Variants in PRDM15 observed in about 807,000 individuals in gnomAD.
The protein encoded by PRDM15 is PR/SET domain 15.
Under a neutral mutation model 128.6 loss-of-function variants are expected in PRDM15, and 64 were observed. That is an observed-to-expected ratio of 0.50 (90% CI 0.41 to 0.61). The LOEUF (loss-of-function observed/expected upper bound fraction) is 0.61, where lower values mean the gene tolerates loss of function less well. Ranked by LOEUF, PRDM15 falls within the 20% of genes least tolerant of loss-of-function variation. The pLI is 0.00. For missense variants in PRDM15, 1,242 were observed against 1,569.1 expected (o/e 0.79, Z 3.52); for synonymous variants, 615 against 621.8 (o/e 0.99, Z 0.16).
chr21:41,869,522 C>T (rs1008825821), intron 1 of PRDM15, among the ~76,000 whole-genome samples: 2 of 151,576 alleles, frequency 1.3e-5, no homozygotes, highest in African/African-American at 2.4e-5. Flanking sequence ...TCTCGGCTCA[C>T]CACAACCTCC....
chr21:41,801,501 G>A lies in PRDM15; in HGVS notation c.3165C>T (p.His1055=), dbSNP rs1469822096. 2 of 1,614,118 alleles carry A rather than the reference G, an allele frequency of 1.2e-6. No individual in the cohort carries two copies. Among genetic ancestry groups the A allele is most frequent in the African/African-American group, 2.7e-5 (2 of 74,948 alleles). The part of the protein sequence containing the change: ...FDTVSGSAML[H]NRQNDVQIHP... The stretch of plus-strand genomic sequence containing the variant: ...GGATCTGGACGTCATTTTGGCGGTT[G>A]TGCAACATGGCAGAGCCGCTGACGG... Residue 1055 remains histidine (H), a synonymous_variant, in exon 24 of 24, where the codon CAC becomes CAT. Transcript: ENST00000398548.
intron 11 of PRDM15, chr21:41,834,619 G>A: frequency 8.2e-6 from 12 of 1,454,742 alleles, no homozygotes; most frequent in Non-Finnish European, 1.1e-5. Context: ...TGCCCCGCTG[G>A]GGACCCCCAC....
chr21:41,827,480 G>A (rs528409384), intron 12 of PRDM15, among the ~76,000 whole-genome samples: 28 of 152,278 alleles, frequency 1.8e-4, no homozygotes, highest in African/African-American at 6.7e-4. Flanking sequence ...CTCCTGAGTA[G>A]CTGGCACTAC....
Position 41,874,519 on chromosome 21 carries a change from A to ATTTTTTT in PRDM15, c.-10+4750_-10+4751insAAAAAAA, listed in dbSNP as rs1453363784. ...GCAGCATGCATATATATATATATAT[A>ATTTTTTT]TATATATTTTTTTTTTTTTTTGAAA... On this transcript the variant is annotated intron_variant, in intron 1 of 23. Transcript: ENST00000398548. 1.8e-3 allele frequency among the ~76,000 whole-genome samples: 93 copies of ATTTTTTT among 50,598 alleles called. 1 individual carries two copies. Among genetic ancestry groups the ATTTTTTT allele is most frequent in the African/African-American group, 6.0e-3 (92 of 15,326 alleles). The allele number at this position is 50,598 out of a possible 152,430, so 33.2% of individuals were successfully genotyped here.
At chr21:41,840,678 G>A (rs2063048212) in intron 6 of PRDM15, among the ~76,000 whole-genome samples, 1 of 151,904 alleles carries the variant, frequency 6.6e-6, no homozygotes, top group Non-Finnish European at 1.5e-5. Flanking sequence ...GGCGTCAGCA[G>A]ACACATACAC....
At chr21:41,825,741 T>C (rs771554400) in intron 13 of PRDM15, among the ~76,000 whole-genome samples, 4 of 152,136 alleles carry the variant, frequency 2.6e-5, no homozygotes, top group Admixed American at 1.3e-4. Flanking sequence ...GAAGAATCCT[T>C]CTTTCTCAGC....
Position 41,815,739 on chromosome 21 carries a change from C to T in PRDM15, c.2358G>A (p.Lys786=), listed in dbSNP as rs146916044. ...CKECHRRFAQ[K]VNMLKHCKRH... ...GCTTGCAGTGCTTGAGCATGTTGACCTTCTGCGCGAACCTGCGGTGGCACT... is the reference window on the plus strand; with the variant it reads ...GCTTGCAGTGCTTGAGCATGTTGACTTTCTGCGCGAACCTGCGGTGGCACT... The change falls in exon 19 of 24, where the codon AAG becomes AAA. Residue 786 remains lysine, a synonymous_variant. Transcript: ENST00000398548. 662 of 1,614,050 alleles carry T rather than the reference C, an allele frequency of 4.1e-4. 5 individuals carry two copies. In the Middle Eastern group the frequency reaches 9.7e-3, roughly 24 times the overall value.
chr21:41,820,635 G>A (rs2062224540), intron 16 of PRDM15, among the ~76,000 whole-genome samples: 2 of 152,224 alleles, frequency 1.3e-5, no homozygotes, highest in Admixed American at 6.5e-5. Flanking sequence ...AAGATGGTAA[G>A]TGTCTGTTGT....
rs1269829550 is a variant in PRDM15, at chr21:41,819,186, C to A, written c.2260+396G>T. On this transcript the variant is annotated intron_variant, in intron 18 of 23. Coordinates refer to ENST00000398548, the MANE Select transcript of PRDM15 (RefSeq NM_001040424.3). Reference sequence around the variant, plus strand: ...TCGAGTCCTTCTTTCCTTAAGTAAGCGACTGAAGCCTATGGGCTTCCAGGG... The same window carrying A: ...TCGAGTCCTTCTTTCCTTAAGTAAGAGACTGAAGCCTATGGGCTTCCAGGG... Among the ~76,000 whole-genome samples, 31 of 152,226 alleles carry A rather than the reference C, an allele frequency of 2.0e-4. 1 individual carries two copies. Among genetic ancestry groups the A allele is most frequent in the Admixed American group, 1.9e-3 (29 of 15,286 alleles).
intron 21 of PRDM15, among the ~76,000 whole-genome samples, chr21:41,807,599 C>CT (rs1555858748): frequency 2.6e-5 from 4 of 151,728 alleles, no homozygotes; most frequent in Non-Finnish European, 4.4e-5. Flanking sequence ...AATCACTTTG[C>CT]CTCTGTCTAC....
chr21:41,840,068 C>T lies in PRDM15; in HGVS notation c.641-215G>A, dbSNP rs577451672. 2.0e-5 allele frequency among the ~76,000 whole-genome samples: 3 copies of T among 152,306 alleles called. No individual in the cohort carries two copies. In the South Asian group the frequency reaches 6.2e-4, roughly 32 times the overall value. On this transcript the variant is annotated intron_variant, in intron 6 of 23. Transcript: ENST00000398548. ...TAAGTGGTAAAAGCAAGGGTAGGTT[C>T]ACCATGAGGGCAGTTTAGTGAAAAA...
chr21:41,836,475 G>A lies in PRDM15; in HGVS notation c.1176C>T (p.Arg392=). 1 of 1,609,894 alleles carries A rather than the reference G, an allele frequency of 6.2e-7. No homozygotes were observed. Among genetic ancestry groups the A allele is most frequent in the Non-Finnish European group, 8.5e-7 (1 of 1,178,114 alleles). ...CGGGCCTCGCGGACTCACCATGCGA[G>A]CGCACGTGCCTGCTCAGGTTGCTGC... ...QNSSNLSRHV[R]SHGDKLFKCE... The change falls in exon 9 of 24, where the codon CGC becomes CGT. Residue 392 remains arginine, a synonymous_variant. Transcript: ENST00000398548.
Position 41,811,159 on chromosome 21 carries a change from C to A in PRDM15, c.2393-323G>T. 1 of 317,754 alleles carries A rather than the reference C, an allele frequency of 3.1e-6. No individual in the cohort carries two copies. Among genetic ancestry groups the A allele is most frequent in the Non-Finnish European group, 6.1e-6 (1 of 164,254 alleles). 19.7% of individuals were successfully genotyped at this position (317,754 alleles called of 1,614,324 possible). A position where few individuals can be genotyped will look rare whatever the true frequency, so the allele number is the denominator to read the frequency against. On this transcript the variant is annotated intron_variant, in intron 19 of 23. Transcript: ENST00000398548. This position sits in a 1 kb window ranked among gnomAD's most constrained non-coding sequence, Gnocchi z 4.1. ...AATTTCTTTAAAGCATTAATGTATC[C>A]ACACCTCCCTTAGTCCAGGAAGCTC...
intron 4 of PRDM15, among the ~76,000 whole-genome samples, chr21:41,855,926 CCCT>C (rs1568993952): frequency 8.9e-5 from 1 of 11,272 alleles, no homozygotes; most frequent in Non-Finnish European, 1.6e-4. Context: ...CTCCCTCCCT[CCCT>C]CCCTTCCTTC....
At chr21:41,877,397 A>G (rs1274048776) in intron 1 of PRDM15, 1 of 152,354 alleles carries the variant, frequency 6.6e-6, no homozygotes, top group African/African-American at 2.4e-5. Context: ...TTCAGTAAAC[A>G]TTGGTGGAAA....
chr21:41,879,282 T>C lies in PRDM15; in HGVS notation c.-22A>G. ...CCCGGAGCTTTACCTGCCTTTGGAA[T>C]GTGCAGAGCGGGATCGGATCCGGAC... On this transcript the variant is annotated 5_prime_UTR_variant, in exon 1 of 24. Coordinates refer to ENST00000398548, the MANE Select transcript of PRDM15 (RefSeq NM_001040424.3). The surrounding 1 kb of genome is among the most constrained non-coding windows in gnomAD (Gnocchi z 5.1). The C allele has an allele frequency of 9.4e-7, 1 of 1,061,036 alleles. No individual in the cohort carries two copies. The highest frequency in any genetic ancestry group is 1.2e-6 in the Non-Finnish European group (1 of 869,120). 65.7% of individuals were successfully genotyped at this position (1,061,036 alleles called of 1,614,324 possible).
rs572767751 is a variant in PRDM15 at position 41,836,745 on chromosome 21, G to C, written c.1002-96C>G. 3.9e-5 allele frequency: 40 copies of C among 1,033,618 alleles called. 1 individual carries two copies. Among genetic ancestry groups the C allele is most frequent in the Admixed American group, 2.5e-4 (12 of 47,520 alleles). 64.0% of individuals were successfully genotyped at this position (1,033,618 alleles called of 1,614,324 possible). Reference sequence around the variant, plus strand: ...AACGGCCTCCTTCCAAAACTTCCCAGCTAATCCCGAGCCTGTATGCGAGAA... The same window carrying C: ...AACGGCCTCCTTCCAAAACTTCCCACCTAATCCCGAGCCTGTATGCGAGAA... On this transcript the variant is annotated intron_variant, in intron 8 of 23. Coordinates refer to ENST00000398548, the MANE Select transcript of PRDM15 (RefSeq NM_001040424.3).
Position 41,800,828 on chromosome 21 carries a change from A to C in PRDM15, c.*412T>G. ...GAATACTGTCTGTGTTCTCATAGGA[A>C]CCGAGCTCTAAAAGAAAAAAGAAAA... On this transcript the variant is annotated 3_prime_UTR_variant, in exon 24 of 24. Coordinates refer to ENST00000398548, the MANE Select transcript of PRDM15 (RefSeq NM_001040424.3). 1 of 165,118 alleles carries C rather than the reference A, an allele frequency of 6.1e-6. No individual in the cohort carries two copies. 10.2% of individuals were successfully genotyped at this position (165,118 alleles called of 1,614,324 possible).
intron 14 of PRDM15, 115 bp from the exon 15 acceptor site, chr21:41,822,152 G>A: frequency 7.0e-7 from 1 of 1,422,000 alleles, no homozygotes; most frequent in Non-Finnish European, 9.7e-7. Context: ...ATGCCTCTCT[G>A]ATGCCCGTGG....
Sources: allele counts gnomAD v4.1 joint callset (sites outside exome capture counted in the v4.1 genomes callset), GRCh38; gene constraint gnomAD v4.1.1; non-coding constraint Gnocchi (gnomAD v3.1); transcripts MANE v1.5; gene names NCBI Gene and HGNC (gene_info 2026-07-23, HGNC 2026-07-21).